HELZ2: variants seen among roughly 807,000 people sequenced by gnomAD.
HELZ2 encodes helicase with zinc finger 2, also known as 3'-5' exoribonuclease HELZ2.
HELZ2 carries 143 observed loss-of-function variants against 208.8 expected under a neutral mutation model. The ratio of observed to expected loss-of-function variants is 0.68; its 90% confidence interval spans 0.60 to 0.79. The LOEUF is 0.79. HELZ2 is among the 30% of genes least tolerant of loss of function. HELZ2 has a pLI of 0.00. For synonymous variants in HELZ2, 1,705 were observed against 1,693.7 expected, an observed-to-expected ratio of 1.01 and a Z score of -0.16; for missense variants, 3,690 against 3,794.5, an observed-to-expected ratio of 0.97 and a Z score of 0.72.
At chr20:63,569,187 A>G (rs1396347516) in exon 4 of HELZ2, 21 of 1,549,644 alleles carry the variant, frequency 1.4e-5, no homozygotes, top group Non-Finnish European at 1.7e-5. Flanking sequence ...CTCCTCATAG[A>G]GAAACTGGTG....
chr20:63,565,582 G>A (rs758579604), exon 8 of HELZ2: 16 of 1,608,984 alleles, frequency 9.9e-6, no homozygotes, highest in South Asian at 8.8e-5. Flanking sequence ...TCTGGCTCTC[G>A]TCCAGAAGCT....
rs112639578 is a variant in HELZ2 at position 63,559,844 on chromosome 20, G to C, written c.7825+84C>G. ...GGAGTCAGGGTCAGGTCGGAGTCAG[G>C]GTCAGGCAGGAGTCGGCAGCTCCCT... On this transcript the variant is annotated intron_variant, in intron 18 of 18. Transcript: ENST00000467148. 109 of 1,478,436 alleles carry C rather than the reference G, an allele frequency of 7.4e-5. No homozygotes were observed. The African/African-American group carries it at 1.4e-3, about 18-fold the overall frequency. 91.6% of individuals were successfully genotyped at this position (1,478,436 alleles called of 1,614,324 possible).
chr20:63,570,055 T>A (rs939463525), intron 3 of HELZ2: 7 of 419,106 alleles, frequency 1.7e-5, no homozygotes, highest in Non-Finnish European at 3.1e-5. Flanking sequence ...TTCAAGTGAT[T>A]TTCCTGCCTC....
chr20:63,561,176 A>G (rs1377980568), exon 14 of HELZ2: 1 of 1,613,062 alleles, frequency 6.2e-7, no homozygotes, highest in Non-Finnish European at 8.5e-7. Flanking sequence ...CACGTCCAGG[A>G]TTTTGAGGCT....
exon 8 of HELZ2, chr20:63,562,993 G>A (rs781517005): frequency 2.0e-5 from 32 of 1,599,478 alleles, no homozygotes; most frequent in East Asian, 9.1e-5. Context: ...GTTCCCACAC[G>A]CAGGCGTACT....
chr20:63,568,681 C>A (rs776426220), exon 5 of HELZ2: 1 of 1,605,988 alleles, frequency 6.2e-7, no homozygotes, highest in South Asian at 1.1e-5. Context: ...TCTGGAACTG[C>A]ACCTCCAGGA....
intron 17 of HELZ2, 30 bp from the exon 19 acceptor site, chr20:63,560,125 C>T (rs566084083): frequency 3.6e-5 from 56 of 1,558,524 alleles, no homozygotes; most frequent in Non-Finnish European, 4.8e-5. Context: ...GCCCTGCTGC[C>T]GCTGCGCCCA....
chr20:63,568,734 G>C, exon 5 of HELZ2: 1 of 1,605,198 alleles, frequency 6.2e-7, no homozygotes, highest in Non-Finnish European at 8.5e-7. Context: ...AAGCAGCAGC[G>C]GGCCGGAAGC....
chr20:63,562,145 C>T, exon 10 of HELZ2: 2 of 1,612,192 alleles, frequency 1.2e-6, no homozygotes, highest in Non-Finnish European at 1.7e-6. Flanking sequence ...TGGGGTTCAG[C>T]TTGTGGCGGC....
chr20:63,560,339 A>AG lies in HELZ2; in HGVS notation c.7501-13dup. The stretch of plus-strand genomic sequence containing the variant: ...TTGGTGATACGGACCTGAGGAGCCG[A>AG]GGGGGCAGGTGGAGCGGACCCTGGT... On this transcript the variant is annotated splice_polypyrimidine_tract_variant and intron_variant, in intron 16 of 18. Transcript: ENST00000467148. 6.4e-7 allele frequency: 1 copy of AG among 1,554,908 alleles called. No individual in the cohort carries two copies.
chr20:63,563,473 G>A (rs771456510), exon 8 of HELZ2: 52 of 1,519,166 alleles, frequency 3.4e-5, no homozygotes, highest in South Asian at 1.7e-4. Context: ...CTGCCAGGGC[G>A]TGGGGGTGCT....
exon 8 of HELZ2, chr20:63,562,722 T>C: frequency 6.2e-7 from 1 of 1,601,892 alleles, no homozygotes; most frequent in Non-Finnish European, 8.5e-7. Flanking sequence ...GGGTCAACAT[T>C]CAGGCCAGGG....
rs114609050 is a variant in HELZ2 at position 63,560,928 on chromosome 20, A to G, written c.7148T>C (p.Val2383Ala). The G allele has an allele frequency of 2.1e-4, 332 of 1,612,348 alleles. No individual in the cohort carries two copies. Among genetic ancestry groups the G allele is most frequent in the Non-Finnish European group, 2.7e-4 (317 of 1,179,710 alleles). ...CTGCTTGTGGTCTCCGAGAAGAACCACCTGGAGGAATAGGCAGGCCTGGCC... is the reference window on the plus strand; with the variant it reads ...CTGCTTGTGGTCTCCGAGAAGAACCGCCTGGAGGAATAGGCAGGCCTGGCC... The change falls in exon 15 of 19, where the codon GTG becomes GCG. Residue 2383 changes from valine to alanine, a missense_variant and splice_region_variant. By Grantham distance (64) the Val-to-Ala change is moderately conservative. Coordinates refer to ENST00000467148, the Ensembl canonical transcript of HELZ2.
Position 63,567,783 on chromosome 20 carries a change from G to A in HELZ2, c.1731-156C>T, listed in dbSNP as rs75532349. On this transcript the variant is annotated intron_variant, in intron 5 of 18. Transcript: ENST00000467148. ...AACACTGGTGTCCCTCCTGTCAGGA[G>A]TCCAAGGGGCAAGAGGCCACGGAGG... 3,388 of 1,445,786 alleles carry A rather than the reference G, an allele frequency of 2.3e-3. 3 individuals carry two copies. The highest frequency in any genetic ancestry group is 2.7e-3 in the Non-Finnish European group (3,016 of 1,100,298). 89.6% of individuals were successfully genotyped at this position (1,445,786 alleles called of 1,614,324 possible).
At chr20:63,570,514 A>C in exon 3 of HELZ2, 1 of 1,613,016 alleles carries the variant, frequency 6.2e-7, no homozygotes, top group Non-Finnish European at 8.5e-7. Flanking sequence ...CTCAGAGTGG[A>C]CGGCAAACGT....
At chr20:63,563,395 C>T in exon 8 of HELZ2, 1 of 1,535,932 alleles carries the variant, frequency 6.5e-7, no homozygotes, top group Non-Finnish European at 8.7e-7. Context: ...CAGGCAGTGG[C>T]AGGGGCGGGC....
exon 18 of HELZ2, chr20:63,559,982 G>A (rs1480940038): frequency 6.2e-7 from 1 of 1,612,254 alleles, no homozygotes; most frequent in Admixed American, 1.7e-5. Context: ...ACTTGGTTGG[G>A]GTCCACAACG....
chr20:63,567,828 C>A, intron 5 of HELZ2: 3 of 1,247,612 alleles, frequency 2.4e-6, no homozygotes, highest in South Asian at 3.1e-5. Flanking sequence ...AACACCTGGG[C>A]GAGCCCAGCG....
rs775165144 is a variant in HELZ2, at chr20:63,563,649, G to A, written c.5173C>T (p.Arg1725Cys). Residue 1725 changes from arginine to cysteine, a missense_variant, in exon 8 of 19, where the codon CGC becomes TGC. Around this residue, in one of 3 missense-constraint regions of HELZ2, gnomAD observed 2,564 missense variants for 2,580.5 expected, o/e 0.99. Transcript: ENST00000467148. Reference sequence around the variant, plus strand: ...AGCTGCACGGCCAGGTGCAGGCTGCGCGCCCGCCGCTGATAGCTCTGGGCA... The same window carrying A: ...AGCTGCACGGCCAGGTGCAGGCTGCACGCCCGCCGCTGATAGCTCTGGGCA... 37 of 1,547,930 alleles carry A rather than the reference G, an allele frequency of 2.4e-5. No individual in the cohort carries two copies. The highest frequency in any genetic ancestry group is 1.7e-4 in the Middle Eastern group (1 of 6,024).
Sources: allele counts gnomAD v4.1 joint callset, GRCh38; gene constraint gnomAD v4.1.1; regional missense constraint gnomAD v4.1.1; transcripts MANE v1.5; gene names NCBI Gene and HGNC (gene_info 2026-07-23, HGNC 2026-07-21).